The following ERBB4 variants were observed in gnomAD, a reference collection of about 807,000 sequenced individuals.
The protein encoded by ERBB4 is erb-b2 receptor tyrosine kinase 4.
In ERBB4, 42 loss-of-function variants were observed where a neutral mutation model predicts 158.0. The observed-to-expected ratio is 0.27, with a 90% CI of 0.21 to 0.34. ERBB4 has a LOEUF of 0.34. Among genes scored for constraint, ERBB4 ranks in the 10% least tolerant of loss-of-function variants. ERBB4 has a pLI of 1.00. For synonymous variants in ERBB4, 583 were observed against 558.7 expected, an observed-to-expected ratio of 1.04 and a Z score of -0.61; for missense variants, 1,333 against 1,624.1, an observed-to-expected ratio of 0.82 and a Z score of 3.08.
intron 1 of ERBB4, among the ~76,000 whole-genome samples, chr2:212,263,559 A>T (rs2085020993): frequency 6.6e-6 from 1 of 152,250 alleles, no homozygotes; most frequent in Admixed American, 6.5e-5. Context: ...AACATCTGAG[A>T]TGTCAACATG....
chr2:211,843,978 G>T (rs1003184535), intron 3 of ERBB4, among the ~76,000 whole-genome samples: 1 of 152,050 alleles, frequency 6.6e-6, no homozygotes. Flanking sequence ...AGCAAGAGAG[G>T]TTGAAGTGGA....
intron 15 of ERBB4, among the ~76,000 whole-genome samples, chr2:211,660,828 G>A (rs2071397951): frequency 6.6e-6 from 1 of 152,152 alleles, no homozygotes; most frequent in African/African-American, 2.4e-5. Context: ...CCAGAAGCAT[G>A]GGAAAATATA....
chr2:212,150,744 C>T (rs921693856), intron 1 of ERBB4, among the ~76,000 whole-genome samples: 6 of 152,292 alleles, frequency 3.9e-5, no homozygotes, highest in African/African-American at 1.2e-4. Context: ...AAATTACTCT[C>T]ATTTATAAGA....
At chr2:211,725,260 C>T (rs1331382973) in intron 5 of ERBB4, 66 bp from the exon 6 acceptor site, 2 of 1,225,478 alleles carry the variant, frequency 1.6e-6, no homozygotes, top group East Asian at 4.6e-5. Context: ...AAGCTGAGTT[C>T]TGGAGTGACA....
At chr2:211,404,111 C>T (rs1309027207) in intron 25 of ERBB4, among the ~76,000 whole-genome samples, 1 of 152,090 alleles carries the variant, frequency 6.6e-6, no homozygotes, top group African/African-American at 2.4e-5. Context: ...TTTATCCTTA[C>T]ATCACTGATC....
chr2:211,851,286 ATAATT>A (rs1379940083), intron 3 of ERBB4, among the ~76,000 whole-genome samples: 2 of 152,034 alleles, frequency 1.3e-5, no homozygotes, highest in African/African-American at 2.4e-5. Context: ...TGCAAGAAAT[ATAATT>A]TATTTAATGA....
intron 1 of ERBB4, among the ~76,000 whole-genome samples, chr2:212,326,823 C>T (rs565778981): frequency 6.6e-6 from 1 of 150,844 alleles, no homozygotes; most frequent in South Asian, 2.1e-4. Context: ...CATGTGTTTG[C>T]TGTGTGTGCA....
intron 3 of ERBB4, among the ~76,000 whole-genome samples, chr2:211,831,763 C>A (rs1035989937): frequency 1.3e-5 from 2 of 151,824 alleles, no homozygotes; most frequent in Non-Finnish European, 2.9e-5. Context: ...ATTAGCCAGG[C>A]GTGGCAGCAG....
intron 19 of ERBB4, among the ~76,000 whole-genome samples, chr2:211,583,372 G>A (rs2068160481): frequency 6.6e-6 from 1 of 151,910 alleles, no homozygotes. Context: ...TGGTAAAAAA[G>A]TTGAGAGGAA....
intron 3 of ERBB4, among the ~76,000 whole-genome samples, chr2:211,913,619 ATGTGTGTGTG>A (rs34762084): frequency 0.026 from 3,495 of 132,802 alleles, 154 homozygotes; most frequent in African/African-American, 0.091. Flanking sequence ...ATATATATAT[ATGTGTGTGTG>A]TGTGTGTGTG....
chr2:212,078,631 G>T (rs1398057961), intron 2 of ERBB4, among the ~76,000 whole-genome samples: 1 of 151,658 alleles, frequency 6.6e-6, no homozygotes, highest in East Asian at 1.9e-4. Context: ...ATGGTACTAT[G>T]GGCTCATTGT....
intron 5 of ERBB4, among the ~76,000 whole-genome samples, chr2:211,739,332 T>C (rs1474881586): frequency 6.6e-6 from 1 of 152,354 alleles, no homozygotes; most frequent in East Asian, 1.9e-4. Flanking sequence ...TGTCTAACTT[T>C]GTTAGATTCC....
At chr2:212,370,959 A>ATT (rs1468685851) in intron 1 of ERBB4, among the ~76,000 whole-genome samples, 26 of 152,122 alleles carry the variant, frequency 1.7e-4, no homozygotes, top group Admixed American at 1.7e-3. Context: ...CATAACCATT[A>ATT]TTTTCCCTTA....
intron 16 of ERBB4, among the ~76,000 whole-genome samples, chr2:211,631,848 A>G (rs1044103085): frequency 2.0e-5 from 3 of 152,082 alleles, no homozygotes; most frequent in South Asian, 2.1e-4. Context: ...AGCATTTTAT[A>G]TCTTATATTT....
At chr2:211,536,615 A>G (rs2066661762) in intron 20 of ERBB4, among the ~76,000 whole-genome samples, 1 of 152,076 alleles carries the variant, frequency 6.6e-6, no homozygotes, top group African/African-American at 2.4e-5. Flanking sequence ...GGAGAAATAT[A>G]TAGAACCAAA....
intron 13 of ERBB4, 25 bp downstream of exon 13, chr2:211,679,027 A>G (rs2072226188): frequency 2.5e-6 from 4 of 1,569,930 alleles, no homozygotes; most frequent in Middle Eastern, 1.7e-4. Context: ...TCATGAGGTG[A>G]AGGCAACCCT....
intron 20 of ERBB4, among the ~76,000 whole-genome samples, chr2:211,541,344 T>C (rs2066803734): frequency 1.3e-5 from 2 of 152,008 alleles, no homozygotes; most frequent in Admixed American, 6.6e-5. Context: ...TATCTTTGAA[T>C]GTCCTACTCA....
chr2:212,259,519 G>T (rs1574540089), intron 1 of ERBB4, among the ~76,000 whole-genome samples: 1 of 152,188 alleles, frequency 6.6e-6, no homozygotes, highest in Non-Finnish European at 1.5e-5. Context: ...GGATCTGTTG[G>T]TTCAAATGAT....
intron 8 of ERBB4, among the ~76,000 whole-genome samples, chr2:211,713,060 T>A (rs553476740): frequency 6.6e-6 from 1 of 152,302 alleles, no homozygotes; most frequent in African/African-American, 2.4e-5. Context: ...TTTAAACTTA[T>A]GGTAAAGTTT....
Sources: gnomAD v4.1 joint callset for allele counts (sites outside exome capture counted in the v4.1 genomes callset) on GRCh38, gnomAD v4.1.1 for gene constraint, MANE v1.5 for transcripts, NCBI Gene and HGNC (gene_info 2026-07-23, HGNC 2026-07-21) for gene names.